UNC80: variants seen among roughly 807,000 people sequenced by gnomAD.
The protein encoded by UNC80 is protein unc-80 homolog.
In UNC80, 164 loss-of-function variants were observed where a neutral mutation model predicts 384.6. The ratio of observed to expected loss-of-function variants is 0.43; its 90% CI spans 0.38 to 0.49. The LOEUF (loss-of-function observed/expected upper bound fraction) is 0.49, where lower values mean the gene tolerates loss of function less well. UNC80 is among the 20% of genes least tolerant of loss of function. The probability of loss-of-function intolerance (pLI) is 0.00; values close to 1 mark genes in which losing one functional copy is unlikely to be tolerated. For missense variants in UNC80, 3,330 were observed against 4,143.0 expected (o/e 0.80, Z 5.39); for synonymous variants, 1,486 against 1,527.8 (o/e 0.97, Z 0.64).
In UNC80 at chr2:209,842,350, G is replaced by A; in HGVS notation, c.3358G>A (p.Val1120Ile). 1 of 1,543,426 alleles carries A rather than the reference G, an allele frequency of 6.5e-7. No individual in the cohort carries two copies. Reference sequence around the variant, plus strand: ...CTTTCCTTTTTTTTTCTTTTTTCAGGTCAAATTCACTAGTGCTGTGAAGCT... The same window carrying A: ...CTTTCCTTTTTTTTTCTTTTTTCAGATCAAATTCACTAGTGCTGTGAAGCT... ...RLSFIRQSSKVKFTSAVKLSE... is the reference protein window; with the variant it reads ...RLSFIRQSSKIKFTSAVKLSE... Residue 1120 changes from valine to isoleucine, a missense_variant and splice_region_variant, in exon 21 of 65, where the codon GTC becomes ATC. By Grantham distance (29) the Val-to-Ile change is conservative (BLOSUM62 3). Transcript: ENST00000673920.
Position 209,912,629 on chromosome 2 carries a change from A to T in UNC80, c.4852A>T (p.Lys1618Ter). ...KRVSDANLEGKKDSGMLKYIR... is the reference protein window; with the variant it reads ...KRVSDANLEG ...AGTTTCAGATGCCAATCTGGAAGGA[A>T]AAAAAGATTCCGGAATGCTGAAGTA... Residue 1618 changes from lysine (K) to a stop codon, truncating the protein, a stop_gained, in exon 30 of 65, where the codon AAA (lysine) becomes TAA (stop). Transcript: ENST00000673920. LOFTEE classifies it high-confidence loss of function. The T allele has an allele frequency of 1.9e-6, 3 of 1,551,608 alleles. No homozygotes were observed. The highest frequency in any genetic ancestry group is 2.6e-6 in the Non-Finnish European group (3 of 1,146,896).
intron 7 of UNC80, among the ~76,000 whole-genome samples, chr2:209,799,287 A>G (rs949925585): frequency 2.0e-5 from 3 of 151,960 alleles, no homozygotes; most frequent in Non-Finnish European, 4.4e-5. Context: ...AAGGTCCTTC[A>G]TATCCCTTGT....
intron 4 of UNC80, among the ~76,000 whole-genome samples, chr2:209,783,317 A>T (rs2077249042): frequency 6.6e-6 from 1 of 152,086 alleles, no homozygotes; most frequent in Non-Finnish European, 1.5e-5. Flanking sequence ...TATACATAGC[A>T]TTGTGTGTTC....
chr2:209,914,502 C>G (rs544633199), intron 31 of UNC80, among the ~76,000 whole-genome samples: 30 of 152,062 alleles, frequency 2.0e-4, no homozygotes, highest in African/African-American at 7.0e-4. Context: ...TCAAGTAATA[C>G]AAAATTGTAT....
chr2:209,987,881 A>T (rs1421295763), intron 61 of UNC80, among the ~76,000 whole-genome samples: 1 of 152,216 alleles, frequency 6.6e-6, no homozygotes, highest in Non-Finnish European at 1.5e-5. Context: ...AAATAAAAAA[A>T]AATAAAAAAA....
intron 47 of UNC80, among the ~76,000 whole-genome samples, chr2:209,946,253 C>A (rs1184486607): frequency 7.3e-5 from 11 of 151,690 alleles, no homozygotes; most frequent in African/African-American, 2.7e-4. Flanking sequence ...CCTGTAGTCC[C>A]AACTTTTTGG....
intron 60 of UNC80, among the ~76,000 whole-genome samples, chr2:209,983,094 T>G (rs961187194): frequency 2.6e-5 from 4 of 152,190 alleles, no homozygotes; most frequent in African/African-American, 9.6e-5. Flanking sequence ...TGACCTTATG[T>G]GATTTTAGTG....
intron 4 of UNC80, among the ~76,000 whole-genome samples, chr2:209,781,882 C>T (rs1391003491): frequency 6.6e-6 from 1 of 152,110 alleles, no homozygotes; most frequent in Non-Finnish European, 1.5e-5. Flanking sequence ...GAGCCCCGTC[C>T]CTAGATTCTA....
At chr2:209,787,755 C>T (rs1432329892) in intron 5 of UNC80, among the ~76,000 whole-genome samples, 2 of 152,134 alleles carry the variant, frequency 1.3e-5, no homozygotes, top group Non-Finnish European at 2.9e-5. Flanking sequence ...TAATAATAAC[C>T]AACAAGTATA....
intron 29 of UNC80, among the ~76,000 whole-genome samples, chr2:209,910,747 T>C (rs2088835310): frequency 6.6e-6 from 1 of 151,418 alleles, no homozygotes; most frequent in Non-Finnish European, 1.5e-5. Context: ...TCAAAAGAAT[T>C]CCTGGAGAAA....
intron 33 of UNC80, among the ~76,000 whole-genome samples, chr2:209,920,001 T>C (rs2089906145): frequency 6.6e-6 from 1 of 152,142 alleles, no homozygotes; most frequent in South Asian, 2.1e-4. Context: ...GAAAATGGAT[T>C]GTACTAAAAG....
intron 38 of UNC80, 140 bp from the exon 39 acceptor site, chr2:209,933,676 AACATTG>A (rs1421060857): frequency 3.5e-6 from 2 of 578,188 alleles, no homozygotes; most frequent in Non-Finnish European, 5.6e-6. Flanking sequence ...CTCTCCTGGT[AACATTG>A]AAAGTGTTAG....
At chr2:209,844,446 TTTTCTTTTC>T (rs150036118) in intron 21 of UNC80, among the ~76,000 whole-genome samples, 4,534 of 130,776 alleles carry the variant, frequency 0.035, 480 homozygotes, top group African/African-American at 0.14. Flanking sequence ...TTTCTTGCTC[TTTTCTTTTC>T]TTTCTTTCTT....
At chr2:209,984,325 C>T (rs1482214307) in intron 60 of UNC80, among the ~76,000 whole-genome samples, 1 of 152,138 alleles carries the variant, frequency 6.6e-6, no homozygotes, top group Non-Finnish European at 1.5e-5. Context: ...GCAAAATTAG[C>T]AGGGAAAGTT....
intron 21 of UNC80, among the ~76,000 whole-genome samples, chr2:209,844,551 T>TTCCTTCCTTCCTTCCTTC (rs1559186539): frequency 8.6e-6 from 1 of 116,022 alleles, no homozygotes; most frequent in Non-Finnish European, 1.9e-5. Flanking sequence ...TTCCTTCCTT[T>TTCCTTCCTTCCTTCCTTC]TTCTTTCCAA....
At chr2:209,793,989 GGT>G in intron 7 of UNC80, 130 bp downstream of exon 7, 1 of 1,066,594 alleles carries the variant, frequency 9.4e-7, no homozygotes, top group Non-Finnish European at 1.3e-6. Flanking sequence ...ACATATTCTT[GGT>G]CAAAGTATAA....
chr2:209,856,832 G>A (rs2082966918), intron 22 of UNC80, among the ~76,000 whole-genome samples: 1 of 151,514 alleles, frequency 6.6e-6, no homozygotes, highest in Admixed American at 6.6e-5. Context: ...CTGTTGCCCA[G>A]GCTGGAGTGC....
chr2:209,921,646 T>G lies in UNC80; in HGVS notation c.5490T>G (p.Tyr1830Ter). ...TAIPITQEAC[Y>*]EPTCTPNSEP... ...TCCCCATCACCCAGGAGGCTTGCTA[T>G]GAGCCCACATGCACGCCCAACTCAG... The change falls in exon 34 of 65, where the codon TAT becomes TAG. Residue 1830 changes from tyrosine to a stop codon, truncating the protein, a stop_gained. Coordinates refer to ENST00000673920, the MANE Select transcript of UNC80 (RefSeq NM_001371986.1). LOFTEE classifies it high-confidence loss of function. 1 of 1,551,594 alleles carries G rather than the reference T, an allele frequency of 6.4e-7. No individual in the cohort carries two copies. Among genetic ancestry groups the G allele is most frequent in the Non-Finnish European group, 8.7e-7 (1 of 1,146,926 alleles).
chr2:209,953,979 C>T (rs1163040603), intron 47 of UNC80, 121 bp from the exon 48 acceptor site: 4 of 1,115,734 alleles, frequency 3.6e-6, no homozygotes, highest in Admixed American at 3.2e-5. Context: ...TTAGGAGTGG[C>T]AAGGGGCCTT....
Sources: allele counts gnomAD v4.1 joint callset (sites outside exome capture counted in the v4.1 genomes callset), GRCh38; gene constraint gnomAD v4.1.1; transcripts MANE v1.5; gene names NCBI Gene and HGNC (gene_info 2026-07-23, HGNC 2026-07-21).